DLL3: variants seen among roughly 807,000 people sequenced by gnomAD.
DLL3 encodes delta like canonical Notch ligand 3.
A neutral mutation model predicts 55.0 loss-of-function variants in DLL3; 49 were observed. That is an observed-to-expected ratio of 0.89 (90% CI 0.71 to 1.13). DLL3 has a LOEUF of 1.13. DLL3 is among the 50% of genes most tolerant of loss of function. DLL3 has a pLI of 0.00. For synonymous variants in DLL3, 421 were observed against 385.2 expected, an observed-to-expected ratio of 1.09 and a Z score of -1.09; for missense variants, 962 against 875.5, an observed-to-expected ratio of 1.10 and a Z score of -1.25.
chr19:39,499,265 C>G lies in DLL3; in HGVS notation c.143C>G (p.Ser48Cys). 6.5e-7 allele frequency: 1 copy of G among 1,542,640 alleles called. No homozygotes were observed. The highest frequency in any genetic ancestry group is 8.7e-7 in the Non-Finnish European group (1 of 1,148,540). Residue 48 changes from serine to cysteine, a missense_variant, in exon 2 of 9, where the codon TCC (serine) becomes TGC (cysteine). Coordinates refer to ENST00000356433, the MANE Select transcript of DLL3 (RefSeq NM_203486.3). ...GGTCCAGGCCCTGGGGCCCCGCGGT[C>G]CCCCTGCAGCGCCCGGCTCCCCTGC... The part of the protein sequence containing the change: ...GPGPGPGAPR[S>C]PCSARLPCRL...
At chr19:39,506,367 GAAAAAAA>G (rs58063380) in intron 6 of DLL3, among the ~76,000 whole-genome samples, 26 of 103,776 alleles carry the variant, frequency 2.5e-4, no homozygotes, top group African/African-American at 8.6e-4. Flanking sequence ...ACTCCGTTTC[GAAAAAAA>G]AAAAAAAAAA....
chr19:39,507,278 T>C lies in DLL3; in HGVS notation c.1333T>C (p.Tyr445His), dbSNP rs778766365. The C allele has an allele frequency of 4.6e-6, 7 of 1,537,932 alleles. No homozygotes were observed. Among genetic ancestry groups the C allele is most frequent in the South Asian group, 1.2e-5 (1 of 84,448 alleles). The change falls in exon 7 of 9, where the codon TAC becomes CAC. Residue 445 changes from tyrosine to histidine, a missense_variant. By Grantham distance (83) the Tyr-to-His change is moderately conservative. Transcript: ENST00000356433. ...ARPCAHGGRCYAHFSGLVCAC... is the reference protein window; with the variant it reads ...ARPCAHGGRCHAHFSGLVCAC... ...CCCCTGTGCTCACGGCGGCCGCTGC[T>C]ACGCCCACTTCTCCGGCCTCGTCTG...
In DLL3 at chr19:39,508,241, T is replaced by G. The variant is rs1401450713; in HGVS notation, c.1759-11T>G. On this transcript the variant is annotated splice_polypyrimidine_tract_variant and intron_variant, in intron 8 of 8. Coordinates refer to ENST00000356433, the MANE Select transcript of DLL3 (RefSeq NM_203486.3). The stretch of plus-strand genomic sequence containing the variant: ...AGCCTCTCTAATGCTTCCTACTCAT[T>G]TTGTTTCTAGGCCTGACGCGTCTCC... The G allele has an allele frequency of 6.2e-7, 1 of 1,613,886 alleles. No homozygotes were observed. Among genetic ancestry groups the G allele is most frequent in the Admixed American group, 1.7e-5 (1 of 59,956 alleles).
chr19:39,507,064 C>T lies in DLL3; in HGVS notation c.1119C>T (p.His373=), dbSNP rs1166408723. Residue 373 remains histidine, a synonymous_variant, in exon 7 of 9, where the codon CAC becomes CAT. Coordinates refer to ENST00000356433, the MANE Select transcript of DLL3 (RefSeq NM_203486.3). ...RNGGLCLDLG[H]ALRCRCRAGF... is the part of the protein sequence containing the mutation. ...GCGGACTCTGCCTGGACCTGGGCCA[C>T]GCCCTGCGCTGCCGCTGCCGCGCCG... 2.6e-6 allele frequency: 4 copies of T among 1,540,334 alleles called. No homozygotes were observed. The highest frequency in any genetic ancestry group is 3.8e-5 in the Admixed American group (2 of 52,550).
Position 39,500,584 on chromosome 19 carries a change from C to T in DLL3, c.352-31C>T, listed in dbSNP as rs1447053866. 8.1e-6 allele frequency: 13 copies of T among 1,602,418 alleles called. 1 individual carries two copies. The highest frequency in any genetic ancestry group is 1.0e-5 in the Non-Finnish European group (12 of 1,169,694). On this transcript the variant is annotated intron_variant, in intron 2 of 8. Coordinates refer to ENST00000356433, the MANE Select transcript of DLL3 (RefSeq NM_203486.3). ...ACTTACCCTAACCACTGTCTTTCATCTTTCATCTCCCCCTTCCTTCACCCA... is the reference window on the plus strand; with the variant it reads ...ACTTACCCTAACCACTGTCTTTCATTTTTCATCTCCCCCTTCCTTCACCCA...
At chr19:39,505,621 T>C in intron 6 of DLL3, 170 bp downstream of exon 6, 1 of 653,212 alleles carries the variant, frequency 1.5e-6, no homozygotes. Context: ...ATCTCATAAC[T>C]ATTAATATTT....
intron 3 of DLL3, among the ~76,000 whole-genome samples, chr19:39,501,663 C>T (rs1452639882): frequency 2.0e-5 from 3 of 152,080 alleles, no homozygotes; most frequent in African/African-American, 4.8e-5. Flanking sequence ...GGGGTGACAC[C>T]TTTGCCTTCA....
rs1017969999 is a variant in DLL3, at chr19:39,503,015, C to G, written c.610C>G (p.Leu204Val). The G allele has an allele frequency of 6.6e-7, 1 of 1,509,048 alleles. No homozygotes were observed. The highest frequency in any genetic ancestry group is 8.8e-7 in the Non-Finnish European group (1 of 1,136,178). The allele number at this position is 1,509,048 out of a possible 1,614,324, so 93.5% of individuals were successfully genotyped here. Residue 204 changes from leucine (L) to valine (V), a missense_variant, in exon 4 of 9, where the codon CTG (leucine) becomes GTG (valine). By Grantham distance (32) the Leu-to-Val change is conservative. Transcript: ENST00000356433. The stretch of plus-strand genomic sequence containing the variant: ...CGCCCCCTCGCGGTGCGGTCCGGGA[C>G]TGCGCCCCTGCGCACCGCTCGAGGA... ...RSAPSRCGPG[L>V]RPCAPLEDEC...
At chr19:39,507,003 C>G (rs1467155251) in intron 6 of DLL3, 36 bp from the exon 7 acceptor site, 1 of 1,529,890 alleles carries the variant, frequency 6.5e-7, no homozygotes, top group Non-Finnish European at 8.7e-7. Flanking sequence ...GTCCCCGGCT[C>G]CCGGACTGCG....
intron 2 of DLL3, 138 bp downstream of exon 2, chr19:39,499,611 C>A: frequency 9.0e-7 from 1 of 1,107,474 alleles, no homozygotes; most frequent in Non-Finnish European, 1.3e-6. Flanking sequence ...ACCAGTAACT[C>A]TACCGTCTGG....
rs2144760968 is a variant in DLL3, at chr19:39,504,201, G to A, written c.783G>A (p.Arg261=). The A allele has an allele frequency of 6.2e-7, 1 of 1,612,610 alleles. No homozygotes were observed. The highest frequency in any genetic ancestry group is 8.5e-7 in the Non-Finnish European group (1 of 1,180,016). The change falls in exon 5 of 9, where the codon AGG becomes AGA. Residue 261 remains arginine (R), a synonymous_variant. Transcript: ENST00000356433. ...CCACCAGCAGCTGCCTCAGCCCCAG[G>A]GGCCCGTCCTCTGCTACCACCGGAT... ...PVSTSSCLSP[R]GPSSATTGCL...
At position 39,504,228 on chromosome 19, in the gene DLL3, C is replaced by T; in HGVS notation, c.810C>T (p.Cys270=). 2 of 1,613,044 alleles carry T rather than the reference C, an allele frequency of 1.2e-6. No individual in the cohort carries two copies. The highest frequency in any genetic ancestry group is 8.5e-7 in the Non-Finnish European group (1 of 1,180,036). The change falls in exon 5 of 9, where the codon TGC becomes TGT. Residue 270 remains cysteine, a synonymous_variant. Coordinates refer to ENST00000356433, the MANE Select transcript of DLL3 (RefSeq NM_203486.3). ...GCCCGTCCTCTGCTACCACCGGATG[C>T]CTTGTCCCTGGGCCTGGGCCCTGTG... ...PRGPSSATTG[C]LVPGPGPCDG... is the part of the protein sequence containing the mutation.
At chr19:39,501,022 C>G (rs1568448589) in intron 3 of DLL3, among the ~76,000 whole-genome samples, 1 of 151,126 alleles carries the variant, frequency 6.6e-6, no homozygotes, top group Admixed American at 6.6e-5. Flanking sequence ...CTTTCCAAGA[C>G]AGAGTCTTGC....
intron 5 of DLL3, 46 bp from the exon 6 acceptor site, chr19:39,505,183 T>A (rs1455825077): frequency 1.2e-6 from 2 of 1,601,344 alleles, no homozygotes; most frequent in Admixed American, 3.3e-5. Context: ...GGATGGGATT[T>A]TTCTCCAAGG....
intron 2 of DLL3, among the ~76,000 whole-genome samples, chr19:39,500,012 C>A (rs1335608597): frequency 6.6e-6 from 1 of 152,124 alleles, no homozygotes; most frequent in Non-Finnish European, 1.5e-5. Flanking sequence ...GGACAAGTGA[C>A]TGCCTGGTTT....
chr19:39,501,903 AGGCCC>A (rs1183715175), intron 3 of DLL3, among the ~76,000 whole-genome samples: 1 of 152,094 alleles, frequency 6.6e-6, no homozygotes, highest in African/African-American at 2.4e-5. Flanking sequence ...ATCTGGGTCA[AGGCCC>A]GGCGCGGTGG....
In DLL3 at chr19:39,500,432, CA is replaced by C. The variant is rs371078896; in HGVS notation, c.352-175del. ...CAAAGTGAGATTCTCCCCCCCCCCC[CA>C]AAAAAAAGCCACAGATGTCATTCCC... On this transcript the variant is annotated intron_variant, in intron 2 of 8. Coordinates refer to ENST00000356433, the MANE Select transcript of DLL3 (RefSeq NM_203486.3). Among the ~76,000 whole-genome samples the C allele has an allele frequency of 0.043, 5,180 of 121,746 alleles. 355 individuals are homozygous for C. Among genetic ancestry groups the C allele is most frequent in the African/African-American group, 0.15 (4,690 of 30,576 alleles). The allele number at this position is 121,746 out of a possible 152,430, so 79.9% of individuals were successfully genotyped here.
intron 3 of DLL3, among the ~76,000 whole-genome samples, chr19:39,502,524 C>CA (rs1428888435): frequency 6.6e-6 from 1 of 152,120 alleles, no homozygotes; most frequent in Non-Finnish European, 1.5e-5. Flanking sequence ...CTCGGCCTCC[C>CA]AAAGTGCTGG....
Position 39,504,074 on chromosome 19 carries a change from T to C in DLL3, c.656T>C (p.Val219Ala). ...TCTGCCTCTCTGTCCCCCATAGTGG[T>C]GTGCCGAGCAGGCTGCAGCCCTGAG... Reference protein sequence around the residue: ...PLEDECEAPLVCRAGCSPEHG... With the variant: ...PLEDECEAPLACRAGCSPEHG... The change falls in exon 5 of 9, where the codon GTG (valine) becomes GCG (alanine). Residue 219 changes from valine (V) to alanine (A), a missense_variant. Val to Ala is a moderately conservative substitution (Grantham distance 64). Transcript: ENST00000356433. 1.4e-5 allele frequency: 23 copies of C among 1,613,310 alleles called. No homozygotes were observed. The highest frequency in any genetic ancestry group is 1.9e-5 in the Non-Finnish European group (22 of 1,180,006).
Sources: gnomAD v4.1 joint callset for allele counts (sites outside exome capture counted in the v4.1 genomes callset) on GRCh38, gnomAD v4.1.1 for gene constraint, MANE v1.5 for transcripts, NCBI Gene and HGNC (gene_info 2026-07-23, HGNC 2026-07-21) for gene names.